Variants in PDE4B observed in about 807,000 individuals in gnomAD.
PDE4B encodes the protein phosphodiesterase 4B, also known as 3',5'-cyclic-AMP phosphodiesterase 4B.
Under a neutral mutation model 82.2 loss-of-function variants are expected in PDE4B, and 20 were observed. The observed-to-expected ratio is 0.24, with a 90% CI of 0.17 to 0.35. The LOEUF is 0.35. Ranked by LOEUF, PDE4B falls within the 10% of genes least tolerant of loss-of-function variation. The pLI, the probability that PDE4B is intolerant of heterozygous loss-of-function variation, is 1.00. For missense variants in PDE4B, 655 were observed against 907.2 expected (o/e 0.72, Z 3.57); for synonymous variants, 320 against 318.9 (o/e 1.00, Z -0.04).
intron 1 of PDE4B, among the ~76,000 whole-genome samples, chr1:65,897,771 T>C (rs1037265751): frequency 1.3e-5 from 2 of 152,144 alleles, no homozygotes; most frequent in Non-Finnish European, 2.9e-5. Flanking sequence ...GCTTTGGTAT[T>C]GTGATTAATG....
chr1:66,258,573 A>G (rs930868926), intron 6 of PDE4B, among the ~76,000 whole-genome samples: 5 of 152,188 alleles, frequency 3.3e-5, no homozygotes, highest in Non-Finnish European at 7.3e-5. Flanking sequence ...TCCTGGAATG[A>G]GAGGACTGGA....
In PDE4B at chr1:66,111,688, G is replaced by T. The variant is rs78830057; in HGVS notation, c.282-135772G>T. Among the ~76,000 whole-genome samples the T allele has an allele frequency of 9.7e-3, 1,481 of 152,136 alleles. 33 individuals carry two copies. Among genetic ancestry groups the T allele is most frequent in the African/African-American group, 0.034 (1,414 of 41,542 alleles). ...TCATCCGTTGGTAAACATTTGAGAA[G>T]AAAGGCACTGTCCTCAACTTGATTT... On this transcript the variant is annotated intron_variant, in intron 3 of 16. Transcript: ENST00000341517.
chr1:66,229,882 A>T (rs923419147), intron 3 of PDE4B, among the ~76,000 whole-genome samples: 1 of 152,232 alleles, frequency 6.6e-6, no homozygotes, highest in Non-Finnish European at 1.5e-5. Context: ...GAGAGGTTAA[A>T]TCCAAGGCCC....
intron 1 of PDE4B, among the ~76,000 whole-genome samples, chr1:65,793,962 C>T (rs955221991): frequency 4.6e-5 from 7 of 152,162 alleles, no homozygotes; most frequent in African/African-American, 1.4e-4. Flanking sequence ...AAACACAAAT[C>T]GGAACCCACT....
At chr1:65,800,421 G>A (rs912145583) in intron 1 of PDE4B, among the ~76,000 whole-genome samples, 2 of 152,184 alleles carry the variant, frequency 1.3e-5, no homozygotes, top group African/African-American at 4.8e-5. Context: ...TCCCTAGAAA[G>A]CACTTTGTAG....
intron 3 of PDE4B, among the ~76,000 whole-genome samples, chr1:66,027,101 T>A (rs7553844): frequency 0.051 from 7,708 of 152,274 alleles, 254 homozygotes; most frequent in African/African-American, 0.087. Context: ...TACTAAAATC[T>A]AAAAATATGT....
Position 65,936,993 on chromosome 1 carries a change from G to A in PDE4B, c.281+18158G>A, listed in dbSNP as rs181278053. Among the ~76,000 whole-genome samples, 3 of 152,300 alleles carry A rather than the reference G, an allele frequency of 2.0e-5. No homozygotes were observed. In the East Asian group the frequency reaches 5.8e-4, roughly 29 times the overall value. On this transcript the variant is annotated intron_variant, in intron 3 of 16. Transcript: ENST00000341517. ...TATTATCAGCCTCATTTTCACTTGT[G>A]TAGGAAGAGGCACGGAAATAAAGAA...
Position 66,131,430 on chromosome 1 carries a change from C to T in PDE4B, c.282-116030C>T, listed in dbSNP as rs75166664. On this transcript the variant is annotated intron_variant, in intron 3 of 16. Transcript: ENST00000341517. ...TTTATGAGAAATCATGTTTAAAGAA[C>T]GTATTAATGACATTGAAAACAGGTC... Among the ~76,000 whole-genome samples, 494 of 147,622 alleles carry T rather than the reference C, an allele frequency of 3.3e-3. 3 individuals carry two copies. Among genetic ancestry groups the T allele is most frequent in the African/African-American group, 0.011 (455 of 40,158 alleles).
At chr1:66,018,313 G>A (rs552839808) in intron 3 of PDE4B, among the ~76,000 whole-genome samples, 2 of 152,176 alleles carry the variant, frequency 1.3e-5, no homozygotes, top group East Asian at 1.9e-4. Flanking sequence ...CCAGCTAGTC[G>A]GGAGGCTGAG....
intron 1 of PDE4B, among the ~76,000 whole-genome samples, chr1:65,897,234 G>T (rs941824452): frequency 6.6e-6 from 1 of 152,124 alleles, no homozygotes; most frequent in Admixed American, 6.6e-5. Context: ...GAGTTTGTCT[G>T]AATCCAATTG....
rs144651453 is a variant in PDE4B at position 66,030,470 on chromosome 1, C to T, written c.281+111635C>T. On this transcript the variant is annotated intron_variant, in intron 3 of 16. Coordinates refer to ENST00000341517, the MANE Select transcript of PDE4B (RefSeq NM_002600.4). ...GTCTGGTAGAATTTGGCTGTGAAGC[C>T]ATCTGTTCTGGGGCTTCTTTTGGTT... Among the ~76,000 whole-genome samples, 11 of 152,208 alleles carry T rather than the reference C, an allele frequency of 7.2e-5. No homozygotes were observed. The East Asian group carries it at 2.1e-3, about 29-fold the overall frequency.
At chr1:66,182,671 A>C (rs485701) in intron 3 of PDE4B, among the ~76,000 whole-genome samples, 2 of 152,092 alleles carry the variant, frequency 1.3e-5, no homozygotes, top group Non-Finnish European at 2.9e-5. Flanking sequence ...GTTGGTGCAT[A>C]GCAGCTGTCT....
chr1:65,884,931 G>A (rs1480241332), intron 1 of PDE4B, among the ~76,000 whole-genome samples: 1 of 152,152 alleles, frequency 6.6e-6, no homozygotes, highest in Non-Finnish European at 1.5e-5. Flanking sequence ...GCAACCTACA[G>A]AATGGGAGAA....
chr1:66,061,605 G>T (rs141460342), intron 3 of PDE4B, among the ~76,000 whole-genome samples: 1 of 152,140 alleles, frequency 6.6e-6, no homozygotes, highest in East Asian at 1.9e-4. Flanking sequence ...AATTGATAAA[G>T]GTTAATATTA....
intron 3 of PDE4B, among the ~76,000 whole-genome samples, chr1:66,121,114 G>A (rs1460956258): frequency 6.6e-6 from 1 of 152,128 alleles, no homozygotes; most frequent in African/African-American, 2.4e-5. Flanking sequence ...TGCTGCCTCA[G>A]GGGGTTACTA....
Position 66,350,164 on chromosome 1 carries a change from T to A in PDE4B, c.748-5363T>A, listed in dbSNP as rs183384032. ...CTTCACTTTCCTGATGCCCGGGAAT[T>A]CTTTTTAAGTTATGACTAACAAAGT... is the stretch of plus-strand genomic sequence containing the variant. On this transcript the variant is annotated intron_variant, in intron 8 of 16. Transcript: ENST00000341517. 1.3e-4 allele frequency among the ~76,000 whole-genome samples: 20 copies of A among 152,180 alleles called. No homozygotes were observed. In the East Asian group the frequency reaches 3.9e-3, roughly 29 times the overall value.
intron 3 of PDE4B, among the ~76,000 whole-genome samples, chr1:66,163,858 G>A (rs952513260): frequency 2.6e-5 from 4 of 151,456 alleles, no homozygotes; most frequent in Non-Finnish European, 3.0e-5. Flanking sequence ...GTGACTTACT[G>A]CTAAGTGAAG....
chr1:66,101,765 T>C (rs1452520800), intron 3 of PDE4B, among the ~76,000 whole-genome samples: 1 of 152,148 alleles, frequency 6.6e-6, no homozygotes, highest in Non-Finnish European at 1.5e-5. Context: ...GCAAAAATTT[T>C]CTCCCATTCT....
intron 3 of PDE4B, among the ~76,000 whole-genome samples, chr1:66,175,537 C>T (rs573764293): frequency 2.9e-4 from 44 of 152,246 alleles, no homozygotes; most frequent in East Asian, 1.5e-3. Context: ...ATACAGACAG[C>T]GGAAAACTTC....
Sources: gnomAD v4.1 joint callset for allele counts (sites outside exome capture counted in the v4.1 genomes callset) on GRCh38, gnomAD v4.1.1 for gene constraint, MANE v1.5 for transcripts, NCBI Gene and HGNC (gene_info 2026-07-23, HGNC 2026-07-21) for gene names.